PLG: variants seen among roughly 807,000 people sequenced by gnomAD.
PLG encodes the protein plasminogen.
Under a neutral mutation model 104.4 loss-of-function variants are expected in PLG, and 41 were observed. The observed-to-expected ratio is 0.39, with a 90% CI of 0.31 to 0.51. The LOEUF (loss-of-function observed/expected upper bound fraction) is 0.51, where lower values mean the gene tolerates loss of function less well. Ranked by LOEUF, PLG falls within the 20% of genes least tolerant of loss-of-function variation. The probability of loss-of-function intolerance (pLI) is 0.76; values close to 1 mark genes in which losing one functional copy is unlikely to be tolerated. For missense variants in PLG, 891 were observed against 1,003.6 expected (o/e 0.89, Z 1.52); for synonymous variants, 337 against 357.1 (o/e 0.94, Z 0.63).
rs184284982 is a variant in PLG, at chr6:160,716,798, G to C, written c.787+35G>C. On this transcript the variant is annotated intron_variant, in intron 7 of 18. Transcript: ENST00000308192. ...ATGCACACCCAGATTCCAGGATTTG[G>C]ACCTGCCCTGTTCTTGAAATCAAAA... 240 of 1,218,108 alleles carry C rather than the reference G, an allele frequency of 2.0e-4. 1 individual carries two copies. In the African/African-American group the frequency reaches 3.2e-3, roughly 16 times the overall value. The allele number at this position is 1,218,108 out of a possible 1,614,324, so 75.5% of individuals were successfully genotyped here.
In PLG at chr6:160,752,520, G is replaced by A. The variant is rs572073812; in HGVS notation, c.2271+260G>A. Among the ~76,000 whole-genome samples the A allele has an allele frequency of 5.9e-5, 9 of 152,160 alleles. No homozygotes were observed. Among genetic ancestry groups the A allele is most frequent in the African/African-American group, 2.2e-4 (9 of 41,428 alleles). ...ACCTCAGGCCACTCACCCTCCTGGG[G>A]TGTGCTGGTGGCCAGGGACTAAAGT... On this transcript the variant is annotated intron_variant, in intron 18 of 18. Transcript: ENST00000308192. The surrounding 1 kb of genome is among the most constrained non-coding windows in gnomAD (Gnocchi z 4.7).
chr6:160,707,872 A>G (rs1582931279), intron 3 of PLG, 66 bp downstream of exon 3: 1 of 1,109,076 alleles, frequency 9.0e-7, no homozygotes, highest in Non-Finnish European at 1.4e-6. Context: ...CTCTTTCTCT[A>G]TTCTATCTTT....
At chr6:160,748,447 G>GAAAGAGAACGAAAGAAA (rs1491160827) in intron 17 of PLG, among the ~76,000 whole-genome samples, 2 of 36,020 alleles carry the variant, frequency 5.6e-5, no homozygotes, top group Non-Finnish European at 1.0e-4. Flanking sequence ...AAAGAAGGGA[G>GAAAGAGAACGAAAGAAA]GGAGGGAGGG....
At chr6:160,722,968 T>C (rs922400401) in intron 10 of PLG, among the ~76,000 whole-genome samples, 1 of 152,046 alleles carries the variant, frequency 6.6e-6, no homozygotes, top group African/African-American at 2.4e-5. Context: ...ATTTTTGTCT[T>C]GGGTCACAAG....
chr6:160,703,134 C>A (rs1389022462), intron 1 of PLG, among the ~76,000 whole-genome samples: 1 of 152,066 alleles, frequency 6.6e-6, no homozygotes, highest in Non-Finnish European at 1.5e-5. Context: ...TGACCAAATT[C>A]TCAGATCTGG....
chr6:160,718,943 T>C (rs1157828187), intron 9 of PLG, 105 bp downstream of exon 9: 7 of 1,040,062 alleles, frequency 6.7e-6, no homozygotes, highest in Middle Eastern at 2.4e-4. Context: ...TTTAATGCTA[T>C]TGTGGTCAGA....
chr6:160,726,529 C>A lies in PLG; in HGVS notation c.1256+3962C>A, dbSNP rs934217507. ...TTTCTCAAAGTATGCTCTGGAGAAA[C>A]CTGAAGTCTCTTGAGATCCCTTCAG... is the stretch of plus-strand genomic sequence containing the variant. On this transcript the variant is annotated intron_variant, in intron 10 of 18. Coordinates refer to ENST00000308192, the MANE Select transcript of PLG (RefSeq NM_000301.5). This position sits in a 1 kb window ranked among gnomAD's most constrained non-coding sequence, Gnocchi z 4.4. Among the ~76,000 whole-genome samples, 65 of 151,822 alleles carry A rather than the reference C, an allele frequency of 4.3e-4. No homozygotes were observed. Among genetic ancestry groups the A allele is most frequent in the African/African-American group, 1.5e-3 (62 of 41,446 alleles).
intron 1 of PLG, among the ~76,000 whole-genome samples, chr6:160,703,387 A>C (rs1001945217): frequency 3.5e-4 from 53 of 152,200 alleles, no homozygotes; most frequent in Admixed American, 9.8e-4. Flanking sequence ...ATAAATTTTA[A>C]AACTATTCAT....
chr6:160,723,143 G>A lies in PLG; in HGVS notation c.1256+576G>A, dbSNP rs144349123. 2.5e-4 allele frequency among the ~76,000 whole-genome samples: 37 copies of A among 150,668 alleles called. No homozygotes were observed. In the East Asian group the frequency reaches 7.0e-3, roughly 29 times the overall value. Reference sequence around the variant, plus strand: ...TGTGTATATATATGTACACATATATGTGTGTATATTAGAATATATATAACA... The same window carrying A: ...TGTGTATATATATGTACACATATATATGTGTATATTAGAATATATATAACA... On this transcript the variant is annotated intron_variant, in intron 10 of 18. Coordinates refer to ENST00000308192, the MANE Select transcript of PLG (RefSeq NM_000301.5). This position sits in a 1 kb window ranked among gnomAD's most constrained non-coding sequence, Gnocchi z 4.7.
At chr6:160,720,422 T>TTC (rs1777811343) in intron 9 of PLG, among the ~76,000 whole-genome samples, 1 of 114,874 alleles carries the variant, frequency 8.7e-6, no homozygotes, top group African/African-American at 3.4e-5. Context: ...TTTTTTTTTT[T>TTC]TTTTTTTTTT....
rs996337572 is a variant in PLG at position 160,753,163 on chromosome 6, T to C, written c.*102T>C. ...ACTGGCAGTAATCAAACGAAGACACTGTCCCCAGCTACCAGCTACGCCAAA... is the reference window on the plus strand; with the variant it reads ...ACTGGCAGTAATCAAACGAAGACACCGTCCCCAGCTACCAGCTACGCCAAA... On this transcript the variant is annotated 3_prime_UTR_variant, in exon 19 of 19. Transcript: ENST00000308192. This position sits in a 1 kb window ranked among gnomAD's most constrained non-coding sequence, Gnocchi z 5.4. The C allele has an allele frequency of 1.2e-5, 9 of 750,088 alleles. No individual in the cohort carries two copies. The African/African-American group carries it at 1.2e-4, about 10-fold the overall frequency. The allele number at this position is 750,088 out of a possible 1,614,324, so 46.5% of individuals were successfully genotyped here. A position where few individuals can be genotyped will look rare whatever the true frequency, so the allele number is the denominator to read the frequency against.
At position 160,748,443 on chromosome 6, in the gene PLG, G is replaced by GAAA. The variant is rs1778332100; in HGVS notation, c.2126-3672_2126-3671insAAA. ...GAAAGAAAGAGAACGAAAGAAAGAAGGGAGGGAGGGAGGGAGGGAGGGAGG... is the reference window on the plus strand; with the variant it reads ...GAAAGAAAGAGAACGAAAGAAAGAAGAAAGGAGGGAGGGAGGGAGGGAGGGAGG... On this transcript the variant is annotated intron_variant, in intron 17 of 18. Coordinates refer to ENST00000308192, the MANE Select transcript of PLG (RefSeq NM_000301.5). Among the ~76,000 whole-genome samples the GAAA allele has an allele frequency of 2.9e-3, 70 of 24,352 alleles. 13 individuals are homozygous for GAAA. The East Asian group carries it at 0.21, about 72-fold the overall frequency. 16.0% of individuals were successfully genotyped at this position (24,352 alleles called of 152,430 possible).
Position 160,737,479 on chromosome 6 carries a change from G to A in PLG, c.1802+472G>A, listed in dbSNP as rs1408249577. 6.6e-6 allele frequency among the ~76,000 whole-genome samples: 1 copy of A among 152,204 alleles called. No individual in the cohort carries two copies. The highest frequency in any genetic ancestry group is 2.4e-5 in the African/African-American group (1 of 41,454). On this transcript the variant is annotated intron_variant, in intron 14 of 18. Transcript: ENST00000308192. This position sits in a 1 kb window ranked among gnomAD's most constrained non-coding sequence, Gnocchi z 4.7. ...TTCGTGAATCATTGAATTCAATGCA[G>A]AGGCTACTCATCCATTCGCAAACAA...
chr6:160,707,463 G>C (rs1253463926), intron 2 of PLG, among the ~76,000 whole-genome samples: 2 of 152,106 alleles, frequency 1.3e-5, no homozygotes, highest in African/African-American at 4.8e-5. Flanking sequence ...GAAACAGGAA[G>C]AAAGGGAAAA....
At position 160,731,189 on chromosome 6, in the gene PLG, G is replaced by T; in HGVS notation, c.1395G>T (p.Pro465=). The T allele has an allele frequency of 6.2e-7, 1 of 1,614,116 alleles. No individual in the cohort carries two copies. The highest frequency in any genetic ancestry group is 8.5e-7 in the Non-Finnish European group (1 of 1,179,988). ...SGTEASVVAP[P]PVVLLPDVET... is the part of the protein sequence containing the mutation. ...CAGAAGCGAGTGTTGTAGCACCTCC[G>T]CCTGTTGTCCTGCTTCCAGATGTAG... The change falls in exon 11 of 19, where the codon CCG becomes CCT. Residue 465 remains proline (P), a synonymous_variant. Transcript: ENST00000308192. The surrounding 1 kb of genome is among the most constrained non-coding windows in gnomAD (Gnocchi z 5.1).
At chr6:160,730,209 C>G (rs767392426) in intron 10 of PLG, among the ~76,000 whole-genome samples, 7 of 152,234 alleles carry the variant, frequency 4.6e-5, no homozygotes, top group Non-Finnish European at 8.8e-5. Flanking sequence ...TGTTTTCGGA[C>G]TCCTCCGTAG....
rs1778183448 is a variant in PLG at position 160,741,009 on chromosome 6, G to C, written c.2019-302G>C. 6.6e-6 allele frequency among the ~76,000 whole-genome samples: 1 copy of C among 152,220 alleles called. No homozygotes were observed. Among genetic ancestry groups the C allele is most frequent in the Non-Finnish European group, 1.5e-5 (1 of 68,038 alleles). On this transcript the variant is annotated intron_variant, in intron 16 of 18. Coordinates refer to ENST00000308192, the MANE Select transcript of PLG (RefSeq NM_000301.5). The surrounding 1 kb of genome is among the most constrained non-coding windows in gnomAD (Gnocchi z 4.7). ...AGGACACACTCAGCATGAGATTCCA[G>C]TTGTGCACAGAATATACATGAGAAG...
chr6:160,750,720 C>A (rs1778387992), intron 17 of PLG, among the ~76,000 whole-genome samples: 1 of 152,116 alleles, frequency 6.6e-6, no homozygotes, highest in Admixed American at 6.5e-5. Context: ...GATCTAAATG[C>A]AGTCGAAGGC....
At chr6:160,714,258 C>A (rs571565243) in intron 5 of PLG, among the ~76,000 whole-genome samples, 3 of 152,186 alleles carry the variant, frequency 2.0e-5, no homozygotes, top group African/African-American at 7.2e-5. Context: ...AAAAGAGAAG[C>A]GCTGTCACTT....
Sources: gnomAD v4.1 joint callset for allele counts (sites outside exome capture counted in the v4.1 genomes callset) on GRCh38, gnomAD v4.1.1 for gene constraint, Gnocchi (gnomAD v3.1) non-coding constraint, MANE v1.5 for transcripts, NCBI Gene and HGNC (gene_info 2026-07-23, HGNC 2026-07-21) for gene names.